TXNIP: variants seen among roughly 807,000 people sequenced by gnomAD.
The protein encoded by TXNIP is thioredoxin interacting protein.
A neutral mutation model predicts 43.9 loss-of-function variants in TXNIP; 23 were observed. That is an observed-to-expected ratio of 0.52 (90% confidence interval 0.38 to 0.74). The LOEUF (loss-of-function observed/expected upper bound fraction) is 0.74, where lower values mean the gene tolerates loss of function less well. Among genes scored for constraint, TXNIP ranks in the 30% least tolerant of loss-of-function variants. The pLI is 0.00. For missense variants in TXNIP, 555 were observed against 485.4 expected, an observed-to-expected ratio of 1.14 and a Z score of -1.35; for synonymous variants, 234 against 172.2, an observed-to-expected ratio of 1.36 and a Z score of -2.81.
intron 1 of TXNIP, 139 bp from the exon 2 acceptor site, chr1:145,995,615 T>C: frequency 1.3e-6 from 1 of 798,808 alleles, no homozygotes; most frequent in Non-Finnish European, 2.1e-6. Flanking sequence ...TTTTAATCCA[T>C]CCCATATTGT....
At position 145,996,454 on chromosome 1, in the gene TXNIP, G is replaced by A. The variant is rs149772663; in HGVS notation, c.-188C>T. Reference sequence around the variant, plus strand: ...TTAACTACTAGGTTTTCGAAAAGGCGCCTAAAAAATATACGCCGCTGGTTA... The same window carrying A: ...TTAACTACTAGGTTTTCGAAAAGGCACCTAAAAAATATACGCCGCTGGTTA... On this transcript the variant is annotated 5_prime_UTR_variant, in exon 1 of 8. Transcript: ENST00000582401. The A allele has an allele frequency of 1.6e-6, 1 of 644,350 alleles. No homozygotes were observed. Among genetic ancestry groups the A allele is most frequent in the East Asian group, 3.2e-5 (1 of 31,620 alleles). 39.9% of individuals were successfully genotyped at this position (644,350 alleles called of 1,614,324 possible).
chr1:145,994,300 G>T lies in TXNIP; in HGVS notation c.969C>A (p.Asn323Lys). 1.9e-6 allele frequency: 3 copies of T among 1,614,138 alleles called. No homozygotes were observed. Among genetic ancestry groups the T allele is most frequent in the Non-Finnish European group, 2.5e-6 (3 of 1,180,026 alleles). The change falls in exon 6 of 8, where the codon AAC (asparagine) becomes AAA (lysine). Residue 323 changes from asparagine to lysine, a missense_variant. Transcript: ENST00000582401. ...GCTCACCTTCTGGGGTATCAGGGAT[G>T]TTCAGATCTACCCAACTCATCTCAG... ...TSSEMSWVDL[N>K]IPDTPEAPPC...
intron 3 of TXNIP, 43 bp from the exon 4 acceptor site, chr1:145,995,074 C>T (rs1651414706): frequency 6.2e-7 from 1 of 1,613,314 alleles, no homozygotes; most frequent in Non-Finnish European, 8.5e-7. Context: ...ATGCTTCAAT[C>T]TAATGCCCAA....
rs1302298216 is a variant in TXNIP, at chr1:145,996,549, C to A, written c.-283G>T. ...GGAGAAAAGATCCGATCTCCACAAGCACTCCTTTGGAGAAAAAGAGGGGTT... is the reference window on the plus strand; with the variant it reads ...GGAGAAAAGATCCGATCTCCACAAGAACTCCTTTGGAGAAAAAGAGGGGTT... On this transcript the variant is annotated 5_prime_UTR_variant, in exon 1 of 8. Coordinates refer to ENST00000582401, the MANE Select transcript of TXNIP (RefSeq NM_006472.6). 2 of 322,460 alleles carry A rather than the reference C, an allele frequency of 6.2e-6. No individual in the cohort carries two copies. The highest frequency in any genetic ancestry group is 5.8e-6 in the Non-Finnish European group (1 of 171,102). 20.0% of individuals were successfully genotyped at this position (322,460 alleles called of 1,614,324 possible).
rs1491048659 is a variant in TXNIP at position 145,993,900 on chromosome 1, C to CA, written c.1141-15dup. 5 of 1,613,488 alleles carry CA rather than the reference C, an allele frequency of 3.1e-6. No individual in the cohort carries two copies. In the African/African-American group the frequency reaches 4.0e-5, roughly 13 times the overall value. ...GCAGGGATCCACCTAAAGAAAGAAA[C>CA]AGACTATTTCAGTTCAGGTAAGAAC... On this transcript the variant is annotated splice_polypyrimidine_tract_variant and intron_variant, in intron 7 of 7. Coordinates refer to ENST00000582401, the MANE Select transcript of TXNIP (RefSeq NM_006472.6).
At position 145,994,631 on chromosome 1, in the gene TXNIP, T is replaced by TGC; in HGVS notation, c.742_743dup (p.Ser249HisfsTer30). 1 of 1,614,232 alleles carries TGC rather than the reference T, an allele frequency of 6.2e-7. No individual in the cohort carries two copies. Among genetic ancestry groups the TGC allele is most frequent in the Non-Finnish European group, 8.5e-7 (1 of 1,180,044 alleles). ...CCCGAAGGCTCTTGCCACGCCATGA[T>TGC]GCGCATGTCCCTGAGATAATATGAT... On this transcript the variant is annotated frameshift_variant, in exon 5 of 8. Coordinates refer to ENST00000582401, the MANE Select transcript of TXNIP (RefSeq NM_006472.6). LOFTEE classifies it high-confidence loss of function.
Position 145,996,131 on chromosome 1 carries a change from T to C in TXNIP, c.136A>G (p.Ile46Val). The change falls in exon 1 of 8, where the codon ATC becomes GTC. Residue 46 changes from isoleucine to valine, a missense_variant. By Grantham distance (29) the Ile-to-Val change is conservative. Coordinates refer to ENST00000582401, the MANE Select transcript of TXNIP (RefSeq NM_006472.6). Reference protein sequence around the residue: ...CEVTRVKAVRILACGVAKVLW... With the variant: ...CEVTRVKAVRVLACGVAKVLW... ...ACTTTAGCCACTCCGCAAGCCAGGA[T>C]CCTAACGGCTTTGACACGAGTAACT... 1 of 1,613,996 alleles carries C rather than the reference T, an allele frequency of 6.2e-7. No homozygotes were observed. The highest frequency in any genetic ancestry group is 8.5e-7 in the Non-Finnish European group (1 of 1,180,002).
chr1:145,994,471 G>C, intron 5 of TXNIP, 34 bp from the exon 6 acceptor site: 1 of 1,613,142 alleles, frequency 6.2e-7, no homozygotes. Context: ...TTACACCAGA[G>C]GTCTGGAGAA....
chr1:145,995,003 T>C lies in TXNIP; in HGVS notation c.500A>G (p.Lys167Arg). ...ATCAGGAATGAACATGCAGGAAACT[T>C]TCTTTTCTTTTTTAGCAGACACAGG... ...MAPVSAKKEK[K>R]VSCMFIPDGR... The change falls in exon 4 of 8, where the codon AAA (lysine) becomes AGA (arginine). Residue 167 changes from lysine to arginine, a missense_variant. Lys to Arg is a conservative substitution (Grantham distance 26). Transcript: ENST00000582401. The C allele has an allele frequency of 6.2e-7, 1 of 1,614,034 alleles. No homozygotes were observed. Among genetic ancestry groups the C allele is most frequent in the Non-Finnish European group, 8.5e-7 (1 of 1,179,954 alleles).
In TXNIP at chr1:145,994,046, G is replaced by T; in HGVS notation, c.1110C>A (p.Phe370Leu). Residue 370 changes from phenylalanine to leucine, a missense_variant, in exon 7 of 8, where the codon TTC becomes TTA. Transcript: ENST00000582401. ...DSPIFMYAPE[F>L]KFMPPPTYTE... Reference sequence around the variant, plus strand: ...TATAAGTCGGTGGTGGCATGAACTTGAACTCAGGGGCATACATAAAGATAG... The same window carrying T: ...TATAAGTCGGTGGTGGCATGAACTTTAACTCAGGGGCATACATAAAGATAG... 1.9e-6 allele frequency: 3 copies of T among 1,614,132 alleles called. No individual in the cohort carries two copies. Among genetic ancestry groups the T allele is most frequent in the Non-Finnish European group, 2.5e-6 (3 of 1,180,038 alleles).
rs781989588 is a variant in TXNIP, at chr1:145,996,151, G to A, written c.116C>T (p.Thr39Ile). The A allele has an allele frequency of 1.2e-6, 2 of 1,613,986 alleles. No homozygotes were observed. Among genetic ancestry groups the A allele is most frequent in the East Asian group, 2.2e-5 (1 of 44,874 alleles). The change falls in exon 1 of 8, where the codon ACT becomes ATT. Residue 39 changes from threonine (T) to isoleucine (I), a missense_variant. Transcript: ENST00000582401. ...GRVIVEVCEV[T>I]RVKAVRILAC... ...CAGGATCCTAACGGCTTTGACACGA[G>A]TAACTTCACACACCTCCACTATCAC...
In TXNIP at chr1:145,993,136, G is replaced by A. The variant is rs1361150127; in HGVS notation, c.*715C>T. 3 of 152,606 alleles carry A rather than the reference G, an allele frequency of 2.0e-5. No individual in the cohort carries two copies. Among genetic ancestry groups the A allele is most frequent in the Non-Finnish European group, 2.9e-5 (2 of 68,040 alleles). The allele number at this position is 152,606 out of a possible 1,614,324, so 9.5% of individuals were successfully genotyped here. On this transcript the variant is annotated 3_prime_UTR_variant, in exon 8 of 8. Transcript: ENST00000582401. ...CTCCCATATGAAAATATTTGCAGTAGGAGAACACAGTGCAATAGGCTCCAA... is the reference window on the plus strand; with the variant it reads ...CTCCCATATGAAAATATTTGCAGTAAGAGAACACAGTGCAATAGGCTCCAA...
At position 145,996,097 on chromosome 1, in the gene TXNIP, A is replaced by G. The variant is rs1553766548; in HGVS notation, c.170T>C (p.Met57Thr). Residue 57 changes from methionine (M) to threonine (T), a missense_variant, in exon 1 of 8, where the codon ATG becomes ACG. Met to Thr is a moderately conservative substitution (Grantham distance 81). Coordinates refer to ENST00000582401, the MANE Select transcript of TXNIP (RefSeq NM_006472.6). ...LACGVAKVLW[M>T]QGSQQCKQTS... ...CTGTTTGCACTGCTGGGATCCCTGC[A>G]TCCAAAGCACTTTAGCCACTCCGCA... 6.2e-7 allele frequency: 1 copy of G among 1,614,148 alleles called. No homozygotes were observed. Among genetic ancestry groups the G allele is most frequent in the Non-Finnish European group, 8.5e-7 (1 of 1,180,028 alleles).
chr1:145,994,303 C>A lies in TXNIP; in HGVS notation c.966G>T (p.Leu322=). Residue 322 remains leucine, a synonymous_variant, in exon 6 of 8, where the codon CTG becomes CTT. Transcript: ENST00000582401. ...RTSSEMSWVD[L]NIPDTPEAPP... is the part of the protein sequence containing the mutation. ...CACCTTCTGGGGTATCAGGGATGTTCAGATCTACCCAACTCATCTCAGAGC... is the reference window on the plus strand; with the variant it reads ...CACCTTCTGGGGTATCAGGGATGTTAAGATCTACCCAACTCATCTCAGAGC... 6.2e-7 allele frequency: 1 copy of A among 1,614,042 alleles called. No individual in the cohort carries two copies. The highest frequency in any genetic ancestry group is 8.5e-7 in the Non-Finnish European group (1 of 1,180,008).
Position 145,994,713 on chromosome 1 carries a change from T to A in TXNIP, c.662A>T (p.Tyr221Phe). ...CACCTTGGTCTGGCCATTGGCAAGG[T>A]AAGTGTGGCGGGCCACAATGGCAGC... is the stretch of plus-strand genomic sequence containing the variant. ...PKAAIVARHT[Y>F]LANGQTKVLT... is the part of the protein sequence containing the mutation. The change falls in exon 5 of 8, where the codon TAC (tyrosine) becomes TTC (phenylalanine). Residue 221 changes from tyrosine (Y) to phenylalanine (F), a missense_variant. By Grantham distance (22) the Tyr-to-Phe change is conservative. Coordinates refer to ENST00000582401, the MANE Select transcript of TXNIP (RefSeq NM_006472.6). The A allele has an allele frequency of 6.2e-7, 1 of 1,614,176 alleles. No homozygotes were observed. Among genetic ancestry groups the A allele is most frequent in the Non-Finnish European group, 8.5e-7 (1 of 1,180,032 alleles).
intron 7 of TXNIP, 63 bp downstream of exon 7, chr1:145,993,953 G>A (rs950853298): frequency 6.0e-5 from 97 of 1,613,522 alleles, no homozygotes; most frequent in African/African-American, 1.9e-4. Flanking sequence ...TTAGCAATCC[G>A]TCTAAGTCAA....
At chr1:145,995,569 A>G (rs1553766401) in intron 1 of TXNIP, 93 bp from the exon 2 acceptor site, 2 of 1,121,304 alleles carry the variant, frequency 1.8e-6, no homozygotes, top group Admixed American at 1.7e-5. Context: ...CATGCAAGGT[A>G]TTGAAGTACC....
chr1:145,996,527 G>C lies in TXNIP; in HGVS notation c.-261C>G, dbSNP rs991223669. 11 of 359,656 alleles carry C rather than the reference G, an allele frequency of 3.1e-5. No homozygotes were observed. The highest frequency in any genetic ancestry group is 1.9e-4 in the Admixed American group (4 of 21,498). The allele number at this position is 359,656 out of a possible 1,614,324, so 22.3% of individuals were successfully genotyped here. A position where few individuals can be genotyped will look rare whatever the true frequency, so the allele number is the denominator to read the frequency against. ...AGCCTTCTTTCCCCCAATTGCTGGA[G>C]AAAAGATCCGATCTCCACAAGCACT... On this transcript the variant is annotated 5_prime_UTR_variant, in exon 1 of 8. Transcript: ENST00000582401.
At position 145,993,638 on chromosome 1, in the gene TXNIP, C is replaced by T; in HGVS notation, c.*213G>A. ...TTTTTAAACCCATCCAACAAACACC[C>T]CTGTATCACAACATGGGCGCTGGCT... On this transcript the variant is annotated 3_prime_UTR_variant, in exon 8 of 8. Coordinates refer to ENST00000582401, the MANE Select transcript of TXNIP (RefSeq NM_006472.6). 1 of 557,800 alleles carries T rather than the reference C, an allele frequency of 1.8e-6. No individual in the cohort carries two copies. 34.6% of individuals were successfully genotyped at this position (557,800 alleles called of 1,614,324 possible). A position where few individuals can be genotyped will look rare whatever the true frequency, so the allele number is the denominator to read the frequency against.
Sources: gnomAD v4.1 joint callset for allele counts on GRCh38, gnomAD v4.1.1 for gene constraint, MANE v1.5 for transcripts, NCBI Gene and HGNC (gene_info 2026-07-23, HGNC 2026-07-21) for gene names.